The following INPP4A variants were observed in gnomAD, a reference collection of about 807,000 sequenced individuals.
INPP4A encodes inositol polyphosphate-4-phosphatase type I A.
In INPP4A, 33 loss-of-function variants were observed where a neutral mutation model predicts 119.8. The observed-to-expected ratio is 0.28, with a 90% CI of 0.21 to 0.37. INPP4A has a LOEUF of 0.37. Ranked by LOEUF, INPP4A falls within the 10% of genes least tolerant of loss-of-function variation. INPP4A has a pLI of 1.00. For missense variants in INPP4A, 956 were observed against 1,289.9 expected (o/e 0.74, Z 3.97); for synonymous variants, 496 against 500.7 (o/e 0.99, Z 0.12).
chr2:98,505,514 T>G (rs1317140468), intron 1 of INPP4A, among the ~76,000 whole-genome samples: 1 of 152,240 alleles, frequency 6.6e-6, no homozygotes, highest in African/African-American at 2.4e-5. Flanking sequence ...TCTTGAACTG[T>G]GAGGTGTATG....
At chr2:98,536,345 G>A (rs1690264606) in intron 7 of INPP4A, 137 bp downstream of exon 7, 1 of 626,998 alleles carries the variant, frequency 1.6e-6, no homozygotes, top group Non-Finnish European at 2.9e-6. Flanking sequence ...ACACTGTGTT[G>A]TCTATTGAGG....
rs1700429936 is a variant in INPP4A, at chr2:98,592,135, G to T, written c.*4527G>T. On this transcript the variant is annotated 3_prime_UTR_variant, in exon 25 of 25. Transcript: ENST00000409851. ...TCCTCCTGGCAGGCAGGCCCTCACA[G>T]AACTCTGCATTTGGAGATGGACAAA... The T allele has an allele frequency of 6.6e-6, 1 of 152,240 alleles. No homozygotes were observed. Among genetic ancestry groups the T allele is most frequent in the East Asian group, 1.9e-4 (1 of 5,204 alleles). 9.4% of individuals were successfully genotyped at this position (152,240 alleles called of 1,614,324 possible). A position where few individuals can be genotyped will look rare whatever the true frequency, so the allele number is the denominator to read the frequency against.
At chr2:98,464,356 C>A (rs1162387273) in intron 1 of INPP4A, among the ~76,000 whole-genome samples, 1 of 152,150 alleles carries the variant, frequency 6.6e-6, no homozygotes, top group Admixed American at 6.5e-5. Flanking sequence ...GGAATTATTG[C>A]ACATGGTGGG....
At chr2:98,582,321 C>G (rs1307463748) in intron 24 of INPP4A, among the ~76,000 whole-genome samples, 3 of 152,202 alleles carry the variant, frequency 2.0e-5, no homozygotes, top group African/African-American at 7.2e-5. Context: ...TTGCAGAATC[C>G]TACCATTTCC....
chr2:98,584,646 G>A (rs1031593437), intron 24 of INPP4A, among the ~76,000 whole-genome samples: 3 of 152,276 alleles, frequency 2.0e-5, no homozygotes, highest in Admixed American at 1.3e-4. Flanking sequence ...CAAAGGGAGC[G>A]AGATAAGGTT....
Position 98,546,614 on chromosome 2 carries a change from G to A in INPP4A, c.1083G>A (p.Gly361=), listed in dbSNP as rs761586786. The change falls in exon 13 of 25, where the codon GGG becomes GGA. Residue 361 remains glycine (G), a synonymous_variant. Coordinates refer to ENST00000409851, the MANE Select transcript of INPP4A (RefSeq NM_001134225.2). The surrounding 1 kb of genome is among the most constrained non-coding windows in gnomAD (Gnocchi z 4.2). ...SDQNYDIVTI[G]APAAHCQGFK... ...AGAACTACGACATCGTCACCATTGG[G>A]GCGCCAGCAGCACACTGCCAAGGTT... is the stretch of plus-strand genomic sequence containing the variant. 130 of 1,613,678 alleles carry A rather than the reference G, an allele frequency of 8.1e-5. 2 individuals carry two copies. In the East Asian group the frequency reaches 2.8e-3, roughly 34 times the overall value.
At chr2:98,571,685 A>G (rs1697480297) in intron 22 of INPP4A, among the ~76,000 whole-genome samples, 1 of 152,180 alleles carries the variant, frequency 6.6e-6, no homozygotes, top group African/African-American at 2.4e-5. Flanking sequence ...CTGGTCTCTG[A>G]GGCTGAGGAG....
chr2:98,524,539 C>T (rs1574909766), intron 4 of INPP4A, among the ~76,000 whole-genome samples: 1 of 152,282 alleles, frequency 6.6e-6, no homozygotes, highest in East Asian at 1.9e-4. Flanking sequence ...TTAAAGTAAT[C>T]TCAGTCTTCC....
intron 1 of INPP4A, among the ~76,000 whole-genome samples, chr2:98,498,461 C>T (rs72821924): frequency 0.27 from 41,641 of 151,484 alleles, 5,759 homozygotes; most frequent in Middle Eastern, 0.35. Context: ...TTACCCAGTC[C>T]TGGGTATGTC....
rs371173058 is a variant in INPP4A at position 98,508,529 on chromosome 2, C to G, written c.-165-10435C>G. On this transcript the variant is annotated intron_variant, in intron 1 of 24. Coordinates refer to ENST00000409851, the MANE Select transcript of INPP4A (RefSeq NM_001134225.2). ...CACGGGGAAGCCCGTGTCCTTATCT[C>G]TTCAGTTCCCGGCCCTCTTGGAGCA... 3.3e-4 allele frequency among the ~76,000 whole-genome samples: 50 copies of G among 152,316 alleles called. No homozygotes were observed. In the East Asian group the frequency reaches 7.5e-3, roughly 23 times the overall value.
intron 16 of INPP4A, among the ~76,000 whole-genome samples, chr2:98,558,929 T>G (rs1694971260): frequency 6.6e-6 from 1 of 151,802 alleles, no homozygotes; most frequent in Non-Finnish European, 1.5e-5. Flanking sequence ...TGGCATAGAG[T>G]TTTTTTTGGT....
chr2:98,542,310 A>G (rs1691623517), intron 10 of INPP4A, among the ~76,000 whole-genome samples: 1 of 152,272 alleles, frequency 6.6e-6, no homozygotes, highest in Admixed American at 6.5e-5. Context: ...TGCTATTTTA[A>G]TAATAATAAA....
Position 98,490,576 on chromosome 2 carries a change from T to C in INPP4A, c.-165-28388T>C, listed in dbSNP as rs144589794. 1.6e-3 allele frequency among the ~76,000 whole-genome samples: 246 copies of C among 152,336 alleles called. 2 individuals are homozygous for C. Among genetic ancestry groups the C allele is most frequent in the African/African-American group, 5.5e-3 (227 of 41,580 alleles). On this transcript the variant is annotated intron_variant, in intron 1 of 24. Transcript: ENST00000409851. ...GAGTTTGACACTTCACTGGTTCATA[T>C]GTGACATACTCCAGAGGTATTTGCG... is the stretch of plus-strand genomic sequence containing the variant.
chr2:98,472,285 C>G (rs2104857358), intron 1 of INPP4A, among the ~76,000 whole-genome samples: 1 of 152,324 alleles, frequency 6.6e-6, no homozygotes, highest in South Asian at 2.1e-4. Flanking sequence ...TGACCCAGCC[C>G]TGCTCCTGGG....
In INPP4A at chr2:98,461,170, G is replaced by A. The variant is rs192732712; in HGVS notation, c.-166+16085G>A. ...GGTAGTGAGAGATGATTACAGGGAC[G>A]GGGGTTGGCTCATGGTTCTGCCACA... On this transcript the variant is annotated intron_variant, in intron 1 of 24. Transcript: ENST00000409851. Among the ~76,000 whole-genome samples, 213 of 152,264 alleles carry A rather than the reference G, an allele frequency of 1.4e-3. 1 individual carries two copies. Among genetic ancestry groups the A allele is most frequent in the Middle Eastern group, 6.8e-3 (2 of 294 alleles).
intron 8 of INPP4A, among the ~76,000 whole-genome samples, chr2:98,538,420 C>T (rs1036681008): frequency 1.3e-5 from 2 of 152,168 alleles, no homozygotes; most frequent in African/African-American, 4.8e-5. Flanking sequence ...TTCCCTGGTC[C>T]TCCTCCCCCT....
intron 8 of INPP4A, among the ~76,000 whole-genome samples, 175 bp from the exon 9 acceptor site, chr2:98,538,716 A>G (rs78579276): frequency 6.2e-4 from 94 of 152,348 alleles, no homozygotes; most frequent in African/African-American, 2.2e-3. Context: ...AAGTGATTCA[A>G]CACACTGGGA....
intron 4 of INPP4A, among the ~76,000 whole-genome samples, chr2:98,522,077 C>CAGGAGT (rs1687300771): frequency 6.6e-6 from 1 of 152,030 alleles, no homozygotes; most frequent in Non-Finnish European, 1.5e-5. Flanking sequence ...CACATGAGGT[C>CAGGAGT]AGGAGTTCAA....
At position 98,566,183 on chromosome 2, in the gene INPP4A, C is replaced by T. The variant is rs774130537; in HGVS notation, c.2420+14C>T. On this transcript the variant is annotated intron_variant, in intron 21 of 24. Coordinates refer to ENST00000409851, the MANE Select transcript of INPP4A (RefSeq NM_001134225.2). This position sits in a 1 kb window ranked among gnomAD's most constrained non-coding sequence, Gnocchi z 4.2. ...ACTGGCCGAGAGGTGCGTGCCGGCT[C>T]CTCGGGGCTGCGGGGGTGTGGTGGC... The T allele has an allele frequency of 1.7e-5, 26 of 1,569,378 alleles. No individual in the cohort carries two copies. In the East Asian group the frequency reaches 1.9e-4, roughly 11 times the overall value.
Sources: gnomAD v4.1 joint callset for allele counts (sites outside exome capture counted in the v4.1 genomes callset) on GRCh38, gnomAD v4.1.1 for gene constraint, Gnocchi (gnomAD v3.1) non-coding constraint, MANE v1.5 for transcripts, NCBI Gene and HGNC (gene_info 2026-07-23, HGNC 2026-07-21) for gene names.